The following CRACDL variants were observed in gnomAD, a reference collection of about 807,000 sequenced individuals.
The protein encoded by CRACDL is CRACD-like protein.
CRACDL carries 26 observed loss-of-function variants against 70.6 expected under a neutral mutation model. The ratio of observed to expected loss-of-function variants is 0.37; its 90% CI spans 0.27 to 0.51. The LOEUF is 0.51. CRACDL is among the 20% of genes least tolerant of loss of function. The pLI is 0.94. For missense variants in CRACDL, 1,283 were observed against 1,376.9 expected (o/e 0.93, Z 1.08); for synonymous variants, 618 against 615.2 (o/e 1.00, Z -0.07).
chr2:98,802,712 C>T (rs1203144936), intron 7 of CRACDL, among the ~76,000 whole-genome samples: 2 of 152,210 alleles, frequency 1.3e-5, no homozygotes, highest in Non-Finnish European at 2.9e-5. Flanking sequence ...CAGGGTGGGA[C>T]CCCAATGGTG....
rs1032910864 is a variant in CRACDL at position 98,797,668 on chromosome 2, C to A, written c.2417-131G>T. The A allele has an allele frequency of 2.2e-5, 16 of 741,560 alleles. No individual in the cohort carries two copies. In the African/African-American group the frequency reaches 2.8e-4, roughly 13 times the overall value. 45.9% of individuals were successfully genotyped at this position (741,560 alleles called of 1,614,324 possible). A position where few individuals can be genotyped will look rare whatever the true frequency, so the allele number is the denominator to read the frequency against. On this transcript the variant is annotated intron_variant, in intron 7 of 9. Coordinates refer to ENST00000397899, the MANE Select transcript of CRACDL (RefSeq NM_207362.3). Reference sequence around the variant, plus strand: ...AGGGTGTCTGGGAGAGGATTACTTTCTTTAGGGGCTTTGTTTTCTTATTAA... The same window carrying A: ...AGGGTGTCTGGGAGAGGATTACTTTATTTAGGGGCTTTGTTTTCTTATTAA...
chr2:98,814,134 A>AT (rs1704685816), intron 7 of CRACDL, among the ~76,000 whole-genome samples: 1 of 151,100 alleles, frequency 6.6e-6, no homozygotes, highest in Non-Finnish European at 1.5e-5. Context: ...GGTTTCATCA[A>AT]TTTTTTTTCT....
At chr2:98,886,937 T>C (rs1707813086) in intron 1 of CRACDL, among the ~76,000 whole-genome samples, 2 of 152,186 alleles carry the variant, frequency 1.3e-5, no homozygotes, top group Admixed American at 6.6e-5. Flanking sequence ...TAAATTCTTT[T>C]AAATATTTTC....
intron 2 of CRACDL, among the ~76,000 whole-genome samples, chr2:98,841,333 T>G (rs1342955342): frequency 6.6e-6 from 1 of 152,158 alleles, no homozygotes; most frequent in African/African-American, 2.4e-5. Flanking sequence ...TCTATCATCT[T>G]ATGTGTTTTT....
At chr2:98,923,512 T>C (rs565411317) in intron 1 of CRACDL, among the ~76,000 whole-genome samples, 3 of 152,290 alleles carry the variant, frequency 2.0e-5, no homozygotes, top group East Asian at 3.9e-4. Context: ...AAGGAGAGCC[T>C]GTCATACCCA....
chr2:98,866,364 C>G (rs982041516), intron 1 of CRACDL, among the ~76,000 whole-genome samples: 1 of 151,122 alleles, frequency 6.6e-6, no homozygotes, highest in African/African-American at 2.4e-5. Flanking sequence ...CAGCATAGAA[C>G]AGCTGCATGG....
intron 2 of CRACDL, among the ~76,000 whole-genome samples, chr2:98,844,604 C>A (rs1482722668): frequency 6.6e-6 from 1 of 152,178 alleles, no homozygotes; most frequent in Non-Finnish European, 1.5e-5. Context: ...CTGCAATAAC[C>A]CAGTCTTCAA....
At chr2:98,811,139 C>A (rs142003773) in intron 7 of CRACDL, among the ~76,000 whole-genome samples, 3 of 152,082 alleles carry the variant, frequency 2.0e-5, no homozygotes, top group African/African-American at 7.2e-5. Flanking sequence ...TCTGGTGGTG[C>A]GGTTCCCCCT....
At position 98,814,282 on chromosome 2, in the gene CRACDL, C is replaced by T. The variant is rs114214012; in HGVS notation, c.2416+7575G>A. On this transcript the variant is annotated intron_variant, in intron 7 of 9. Transcript: ENST00000397899. Reference sequence around the variant, plus strand: ...TACTGCTTTGAAACATTTTTTCTTTCTAATATAATTTAATGTTGAGTTTCC... The same window carrying T: ...TACTGCTTTGAAACATTTTTTCTTTTTAATATAATTTAATGTTGAGTTTCC... Among the ~76,000 whole-genome samples the T allele has an allele frequency of 5.1e-3, 778 of 151,806 alleles. 7 individuals are homozygous for T. The highest frequency in any genetic ancestry group is 0.018 in the African/African-American group (736 of 41,438).
chr2:98,847,768 T>A (rs1410614567), intron 1 of CRACDL, among the ~76,000 whole-genome samples: 5 of 152,166 alleles, frequency 3.3e-5, no homozygotes, highest in African/African-American at 9.7e-5. Context: ...GTATGACGAA[T>A]CCTCACACTT....
In CRACDL at chr2:98,821,941, C is replaced by G. The variant is rs1168668159; in HGVS notation, c.2332G>C (p.Ala778Pro). Residue 778 changes from alanine to proline, a missense_variant, in exon 7 of 10, where the codon GCG becomes CCG. Transcript: ENST00000397899. ...LQSFTLPHQP[A>P]PPDAGPGERE... ...TCTCCCGGGCCGGCGTCGGGGGGCG[C>G]GGGCTGGTGCGGGAGCGTGAAGCTC... 2 of 1,555,304 alleles carry G rather than the reference C, an allele frequency of 1.3e-6. No individual in the cohort carries two copies. The highest frequency in any genetic ancestry group is 1.7e-6 in the Non-Finnish European group (2 of 1,154,334).
At position 98,796,100 on chromosome 2, in the gene CRACDL, A is replaced by G; in HGVS notation, c.2749+20T>C. 1.9e-6 allele frequency: 3 copies of G among 1,607,630 alleles called. No homozygotes were observed. The highest frequency in any genetic ancestry group is 2.6e-6 in the Non-Finnish European group (3 of 1,174,294). On this transcript the variant is annotated intron_variant, in intron 9 of 9. Coordinates refer to ENST00000397899, the MANE Select transcript of CRACDL (RefSeq NM_207362.3). Reference sequence around the variant, plus strand: ...GGAAAATGATTTCAAAGTATGTGGTAATGTTTGCAGATTTCATACCCAAGT... The same window carrying G: ...GGAAAATGATTTCAAAGTATGTGGTGATGTTTGCAGATTTCATACCCAAGT...
chr2:98,873,456 C>G (rs1707403751), intron 1 of CRACDL, among the ~76,000 whole-genome samples: 1 of 152,220 alleles, frequency 6.6e-6, no homozygotes, highest in Admixed American at 6.5e-5. Context: ...CAATGCACAA[C>G]CCACACACAG....
intron 1 of CRACDL, among the ~76,000 whole-genome samples, chr2:98,921,006 C>T (rs527328154): frequency 6.6e-6 from 1 of 152,320 alleles, no homozygotes; most frequent in South Asian, 2.1e-4. Flanking sequence ...AGCATTTATG[C>T]TTCTGCAGAG....
At position 98,821,573 on chromosome 2, in the gene CRACDL, A is replaced by G. The variant is rs543798687; in HGVS notation, c.2416+284T>C. 2.6e-5 allele frequency among the ~76,000 whole-genome samples: 4 copies of G among 152,304 alleles called. No individual in the cohort carries two copies. In the South Asian group the frequency reaches 8.3e-4, roughly 32 times the overall value. On this transcript the variant is annotated intron_variant, in intron 7 of 9. Coordinates refer to ENST00000397899, the MANE Select transcript of CRACDL (RefSeq NM_207362.3). ...GGCCACACATAAAATACACTAAACTAAGGACAGCTGATGAGCTTAAAAAAA... is the reference window on the plus strand; with the variant it reads ...GGCCACACATAAAATACACTAAACTGAGGACAGCTGATGAGCTTAAAAAAA...
intron 1 of CRACDL, among the ~76,000 whole-genome samples, chr2:98,933,324 T>G (rs1358392700): frequency 6.6e-6 from 1 of 152,052 alleles, no homozygotes. Context: ...TGCCCAGGGG[T>G]GACTTGTAGC....
chr2:98,883,192 C>T (rs1406476056), intron 1 of CRACDL, among the ~76,000 whole-genome samples: 1 of 152,208 alleles, frequency 6.6e-6, no homozygotes, highest in Admixed American at 6.5e-5. Context: ...GTATTCTGTG[C>T]CCATTGGGAG....
At chr2:98,864,090 A>C (rs906022494) in intron 1 of CRACDL, among the ~76,000 whole-genome samples, 3 of 152,206 alleles carry the variant, frequency 2.0e-5, no homozygotes, top group African/African-American at 7.2e-5. Context: ...AAACGTGCAC[A>C]AAAAAACCTG....
intron 7 of CRACDL, among the ~76,000 whole-genome samples, chr2:98,817,463 A>T (rs1286849226): frequency 2.0e-5 from 3 of 152,212 alleles, no homozygotes; most frequent in African/African-American, 7.2e-5. Context: ...ACCCAAATGA[A>T]TTTGAATATA....
Sources: allele counts gnomAD v4.1 joint callset (sites outside exome capture counted in the v4.1 genomes callset), GRCh38; gene constraint gnomAD v4.1.1; transcripts MANE v1.5; gene names NCBI Gene and HGNC (gene_info 2026-07-23, HGNC 2026-07-21).